The following KRT24 variants were observed in gnomAD, a reference collection of about 807,000 sequenced individuals.
KRT24 encodes the protein keratin, type I cytoskeletal 24.
KRT24 carries 44 observed loss-of-function variants against 51.7 expected under a neutral mutation model. That is an observed-to-expected ratio of 0.85 (90% CI 0.67 to 1.09). The LOEUF is 1.09. Ranked by LOEUF, KRT24 falls within the 50% of genes least tolerant of loss-of-function variation. KRT24 has a pLI of 0.00. For missense variants in KRT24, 633 were observed against 647.0 expected, an observed-to-expected ratio of 0.98 and a Z score of 0.24; for synonymous variants, 241 against 249.5, an observed-to-expected ratio of 0.97 and a Z score of 0.32.
chr17:40,700,384 C>G lies in KRT24; in HGVS notation c.856-1G>C. 1.2e-6 allele frequency: 2 copies of G among 1,606,566 alleles called. No homozygotes were observed. Among genetic ancestry groups the G allele is most frequent in the Non-Finnish European group, 1.7e-6 (2 of 1,175,196 alleles). On this transcript the variant is annotated splice_acceptor_variant, in intron 3 of 7. Transcript: ENST00000264651. LOFTEE classifies it high-confidence loss of function. ...AGCTTCCTTGCATATTCTTCATTTC[C>G]TAGCATGAAGGAAAAAAGACTATCG... is the stretch of plus-strand genomic sequence containing the variant.
At position 40,703,130 on chromosome 17, in the gene KRT24, C is replaced by T. The variant is rs570385546; in HGVS notation, c.564G>A (p.Ser188=). The T allele has an allele frequency of 5.9e-5, 95 of 1,613,716 alleles. No individual in the cohort carries two copies. The highest frequency in any genetic ancestry group is 1.7e-4 in the Middle Eastern group (1 of 6,056). The change falls in exon 1 of 8, where the codon TCG becomes TCA. Residue 188 remains serine (S), a synonymous_variant. Coordinates refer to ENST00000264651, the MANE Select transcript of KRT24 (RefSeq NM_019016.3). ...AATAGTATTTGCTATAATCTCTTCC[C>T]GATCCACCGTCTCCAGACCCAGGCC... is the stretch of plus-strand genomic sequence containing the variant. ...KYGPGSGDGG[S]GRDYSKYYSI... is the part of the protein sequence containing the mutation.
In KRT24 at chr17:40,698,525, A is replaced by T. The variant is rs754054892; in HGVS notation, c.1474+13T>A. 4.1e-6 allele frequency: 6 copies of T among 1,463,620 alleles called. No individual in the cohort carries two copies. Among genetic ancestry groups the T allele is most frequent in the African/African-American group, 2.8e-5 (2 of 70,816 alleles). The allele number at this position is 1,463,620 out of a possible 1,614,324, so 90.7% of individuals were successfully genotyped here. Reference sequence around the variant, plus strand: ...AAATTACAGAACTATTATCAATATTAAAAAAAGTCTACCTCGTCCTTGACC... The same window carrying T: ...AAATTACAGAACTATTATCAATATTTAAAAAAGTCTACCTCGTCCTTGACC... On this transcript the variant is annotated intron_variant, in intron 7 of 7. Coordinates refer to ENST00000264651, the MANE Select transcript of KRT24 (RefSeq NM_019016.3).
In KRT24 at chr17:40,700,120, C is replaced by A; in HGVS notation, c.1021G>T (p.Ala341Ser). Residue 341 changes from alanine to serine, a missense_variant, in exon 5 of 8, where the codon GCA becomes TCA. Physicochemically the swap from Ala to Ser is moderately conservative, Grantham distance 99. Transcript: ENST00000264651. ...GTGGAGATTTGTGCTTGTAGTGATGCGCTCTAAATACAAACATAATGCAGC... is the reference window on the plus strand; with the variant it reads ...GTGGAGATTTGTGCTTGTAGTGATGAGCTCTAAATACAAACATAATGCAGC... The part of the protein sequence containing the change: ...EAEERFNKQS[A>S]SLQAQISTDA... 2 of 1,614,082 alleles carry A rather than the reference C, an allele frequency of 1.2e-6. No individual in the cohort carries two copies. The highest frequency in any genetic ancestry group is 2.2e-5 in the South Asian group (2 of 91,082).
In KRT24 at chr17:40,698,309, G is replaced by T. The variant is rs780373105; in HGVS notation, c.1506C>A (p.Ile502=). 6.2e-7 allele frequency: 1 copy of T among 1,612,284 alleles called. No individual in the cohort carries two copies. Among genetic ancestry groups the T allele is most frequent in the Non-Finnish European group, 8.5e-7 (1 of 1,178,644 alleles). Residue 502 remains isoleucine, a synonymous_variant, in exon 8 of 8, where the codon ATC becomes ATA. Coordinates refer to ENST00000264651, the MANE Select transcript of KRT24 (RefSeq NM_019016.3). ...DSSKTRVTKT[I]VEELVDGKVV... ...CCTTGCCATCCACCAACTCCTCTAC[G>T]ATAGTCTTAGTCACTCTAGTCTTGC...
intron 6 of KRT24, among the ~76,000 whole-genome samples, chr17:40,699,031 C>T (rs2037642550): frequency 6.6e-6 from 1 of 152,096 alleles, no homozygotes; most frequent in Admixed American, 6.6e-5. Flanking sequence ...TGTGTGCCAC[C>T]ACGCCTGGCT....
Position 40,698,299 on chromosome 17 carries a change from A to G in KRT24, c.1516T>C (p.Leu506=). 6.2e-7 allele frequency: 1 copy of G among 1,613,212 alleles called. No individual in the cohort carries two copies. The highest frequency in any genetic ancestry group is 1.1e-5 in the South Asian group (1 of 91,046). ...TRVTKTIVEE[L]VDGKVVSSQV... ...GACGAGACAACCTTGCCATCCACCAACTCCTCTACGATAGTCTTAGTCACT... is the reference window on the plus strand; with the variant it reads ...GACGAGACAACCTTGCCATCCACCAGCTCCTCTACGATAGTCTTAGTCACT... Residue 506 remains leucine (L), a synonymous_variant, in exon 8 of 8, where the codon TTG becomes CTG. Transcript: ENST00000264651.
chr17:40,700,960 T>G (rs1477563087), intron 3 of KRT24, among the ~76,000 whole-genome samples, 180 bp downstream of exon 3: 1 of 152,138 alleles, frequency 6.6e-6, no homozygotes, highest in East Asian at 1.9e-4. Flanking sequence ...TCCAGTGGCA[T>G]GATCATAGCT....
At position 40,701,146 on chromosome 17, in the gene KRT24, G is replaced by A. The variant is rs749236919; in HGVS notation, c.849C>T (p.His283=). 4 of 1,613,620 alleles carry A rather than the reference G, an allele frequency of 2.5e-6. No homozygotes were observed. Among genetic ancestry groups the A allele is most frequent in the South Asian group, 2.2e-5 (2 of 90,974 alleles). The stretch of plus-strand genomic sequence containing the variant: ...ATGTAGAACATGTTCCTACCTCCTC[G>A]TGGTTCTTCCTCAGGTAGGCTAGCT... ...TEELAYLRKN[H]EEEMKNMQGS... Residue 283 remains histidine (H), a synonymous_variant, in exon 3 of 8, where the codon CAC becomes CAT. Transcript: ENST00000264651.
intron 7 of KRT24, 78 bp downstream of exon 7, chr17:40,698,460 G>C: frequency 9.1e-7 from 1 of 1,096,690 alleles, no homozygotes; most frequent in Non-Finnish European, 1.4e-6. Context: ...AAAAATAGCG[G>C]ACTCTTTTAG....
rs1420742438 is a variant in KRT24 at position 40,701,307 on chromosome 17, C to T, written c.699-11G>A. On this transcript the variant is annotated splice_polypyrimidine_tract_variant and intron_variant, in intron 2 of 7. Coordinates refer to ENST00000264651, the MANE Select transcript of KRT24 (RefSeq NM_019016.3). Reference sequence around the variant, plus strand: ...AGCTCGTTCTCATACCTGGAAGGGGCAGCAGTAAGGCAAAAAATACTGTGA... The same window carrying T: ...AGCTCGTTCTCATACCTGGAAGGGGTAGCAGTAAGGCAAAAAATACTGTGA... 1.9e-6 allele frequency: 3 copies of T among 1,609,802 alleles called. No individual in the cohort carries two copies. Among genetic ancestry groups the T allele is most frequent in the Non-Finnish European group, 8.5e-7 (1 of 1,177,994 alleles).
intron 3 of KRT24, 30 bp downstream of exon 3, chr17:40,701,110 G>C: frequency 6.2e-7 from 1 of 1,607,690 alleles, no homozygotes; most frequent in Non-Finnish European, 8.5e-7. Flanking sequence ...GTTAGCTAGA[G>C]TTATTCGTTT....
chr17:40,701,331 G>A, intron 2 of KRT24, 35 bp from the exon 3 acceptor site: 1 of 1,593,276 alleles, frequency 6.3e-7, no homozygotes, highest in East Asian at 2.3e-5. Context: ...AAAATACTGT[G>A]AGCTCACCTG....
intron 1 of KRT24, 130 bp from the exon 2 acceptor site, chr17:40,702,063 G>T (rs949040380): frequency 1.1e-5 from 4 of 349,064 alleles, no homozygotes; most frequent in African/African-American, 4.2e-5. Context: ...ACAGAGTCTC[G>T]CTCTGTCGCC....
At chr17:40,701,015 G>A (rs1219872213) in intron 3 of KRT24, 125 bp downstream of exon 3, 10 of 865,728 alleles carry the variant, frequency 1.2e-5, no homozygotes, top group African/African-American at 6.8e-5. Context: ...CCCCTGCCTC[G>A]GCCTCCAGAG....
At chr17:40,701,964 C>A in intron 1 of KRT24, 31 bp from the exon 2 acceptor site, 2 of 1,211,148 alleles carry the variant, frequency 1.7e-6, no homozygotes, top group Non-Finnish European at 1.2e-6. Context: ...GAGTGAATCA[C>A]GAATGATTTT....
Position 40,703,261 on chromosome 17 carries a change from G to T in KRT24, c.433C>A (p.Gln145Lys), listed in dbSNP as rs2037704281. The T allele has an allele frequency of 6.2e-7, 1 of 1,613,890 alleles. No homozygotes were observed. Among genetic ancestry groups the T allele is most frequent in the South Asian group, 1.1e-5 (1 of 91,078 alleles). ...TTGGCCAAGCGGTCATTGAGGTTCT[G>T]CATGGTTTGCTTTTCCCCTCCAGAG... Reference protein sequence around the residue: ...LFSGGEKQTMQNLNDRLANYL... With the variant: ...LFSGGEKQTMKNLNDRLANYL... Residue 145 changes from glutamine (Q) to lysine (K), a missense_variant, in exon 1 of 8, where the codon CAG (glutamine) becomes AAG (lysine). Physicochemically the swap from Gln to Lys is moderately conservative, Grantham distance 53. Coordinates refer to ENST00000264651, the MANE Select transcript of KRT24 (RefSeq NM_019016.3).
chr17:40,698,480 C>G lies in KRT24; in HGVS notation c.1474+58G>C. On this transcript the variant is annotated intron_variant, in intron 7 of 7. Transcript: ENST00000264651. ...TAGCGGACTCTTTTAGTATGACAAG[C>G]AAAGTATGTCTTCACTTTTAAATTA... 4 of 1,196,514 alleles carry G rather than the reference C, an allele frequency of 3.3e-6. No individual in the cohort carries two copies. The South Asian group carries it at 5.1e-5, about 15-fold the overall frequency. The allele number at this position is 1,196,514 out of a possible 1,614,324, so 74.1% of individuals were successfully genotyped here. A position where few individuals can be genotyped will look rare whatever the true frequency, so the allele number is the denominator to read the frequency against.
intron 3 of KRT24, 110 bp from the exon 4 acceptor site, chr17:40,700,493 A>G (rs573351423): frequency 1.3e-6 from 1 of 788,204 alleles, no homozygotes; most frequent in African/African-American, 1.7e-5. Flanking sequence ...GGAAAAAAAA[A>G]AAATCAAATC....
chr17:40,698,441 G>T, intron 7 of KRT24, 97 bp downstream of exon 7: 5 of 1,114,780 alleles, frequency 4.5e-6, no homozygotes, highest in Admixed American at 1.9e-5. Flanking sequence ...GTCTGGGTAA[G>T]ATTATGTAAA....
Sources: gnomAD v4.1 joint callset for allele counts (sites outside exome capture counted in the v4.1 genomes callset) on GRCh38, gnomAD v4.1.1 for gene constraint, MANE v1.5 for transcripts, NCBI Gene and HGNC (gene_info 2026-07-23, HGNC 2026-07-21) for gene names.